Variants in FREM2 observed in about 807,000 individuals in gnomAD.
FREM2 encodes the protein FRAS1 related extracellular matrix 2, also known as FRAS1-related extracellular matrix protein 2.
Under a neutral mutation model 219.9 loss-of-function variants are expected in FREM2, and 119 were observed. The ratio of observed to expected loss-of-function variants is 0.54; its 90% CI spans 0.47 to 0.63. The LOEUF (loss-of-function observed/expected upper bound fraction) is 0.63, where lower values mean the gene tolerates loss of function less well. Among genes scored for constraint, FREM2 ranks in the 30% least tolerant of loss-of-function variants. The pLI, the probability that FREM2 is intolerant of heterozygous loss-of-function variation, is 0.00. For missense variants in FREM2, 4,030 were observed against 3,993.6 expected (o/e 1.01, Z -0.25); for synonymous variants, 1,562 against 1,522.8 (o/e 1.03, Z -0.60).
At chr13:38,717,226 C>A (rs551319184) in intron 2 of FREM2, among the ~76,000 whole-genome samples, 1 of 151,920 alleles carries the variant, frequency 6.6e-6, no homozygotes, top group East Asian at 1.9e-4. Context: ...CCTTCCATGT[C>A]CTGCCCCACT....
At chr13:38,767,329 G>A (rs956972673) in intron 3 of FREM2, among the ~76,000 whole-genome samples, 2 of 152,174 alleles carry the variant, frequency 1.3e-5, no homozygotes, top group Non-Finnish European at 2.9e-5. Flanking sequence ...GGTGTTTTTA[G>A]CAGCAACAAT....
intron 3 of FREM2, among the ~76,000 whole-genome samples, chr13:38,764,987 T>G (rs1393138064): frequency 6.6e-6 from 1 of 152,214 alleles, no homozygotes; most frequent in East Asian, 1.9e-4. Context: ...CTCAGCTCAC[T>G]GCAAGCTCCG....
intron 6 of FREM2, among the ~76,000 whole-genome samples, chr13:38,837,935 A>G (rs1876786718): frequency 6.6e-6 from 1 of 152,124 alleles, no homozygotes; most frequent in African/African-American, 2.4e-5. Flanking sequence ...TGTGCATTTT[A>G]ACTGGGGAAT....
intron 2 of FREM2, among the ~76,000 whole-genome samples, chr13:38,700,071 G>A (rs773448109): frequency 1.3e-5 from 2 of 152,050 alleles, no homozygotes; most frequent in Non-Finnish European, 1.5e-5. Context: ...AAATCAACGT[G>A]ATTGATTTTA....
At position 38,784,812 on chromosome 13, in the gene FREM2, A is replaced by C; in HGVS notation, c.6019+4A>C. The C allele has an allele frequency of 6.2e-7, 1 of 1,614,034 alleles. No individual in the cohort carries two copies. The highest frequency in any genetic ancestry group is 8.5e-7 in the Non-Finnish European group (1 of 1,179,994). ...ATCGTTCCTGACAAAGATGATGGTG[A>C]GTACTAATTTACTTGAAAATTCTTT... On this transcript the variant is annotated splice_donor_region_variant and intron_variant, in intron 6 of 23. Transcript: ENST00000280481.
At chr13:38,701,437 G>A (rs1870338524) in intron 2 of FREM2, among the ~76,000 whole-genome samples, 1 of 152,102 alleles carries the variant, frequency 6.6e-6, no homozygotes, top group Non-Finnish European at 1.5e-5. Flanking sequence ...ACAGACCTGG[G>A]AAATACATCT....
Position 38,713,191 on chromosome 13 carries a change from A to T in FREM2, c.5263+15404A>T, listed in dbSNP as rs150523905. ...CAAATTCCTCCACAGTGCTTCATAG[A>T]GGAAGTCTTTGCATTTGTAAATGAA... On this transcript the variant is annotated intron_variant, in intron 2 of 23. Coordinates refer to ENST00000280481, the MANE Select transcript of FREM2 (RefSeq NM_207361.6). 1.2e-3 allele frequency among the ~76,000 whole-genome samples: 177 copies of T among 152,284 alleles called. 1 individual carries two copies. The East Asian group carries it at 0.028, about 24-fold the overall frequency.
Position 38,881,671 on chromosome 13 carries a change from A to G in FREM2, c.*884A>G, listed in dbSNP as rs1225288094. ...AATGTTCTCTAAGAACTGAGCCTAG[A>G]TGTTTGCAGTATTGAACCCATAAAT... is the stretch of plus-strand genomic sequence containing the variant. On this transcript the variant is annotated 3_prime_UTR_variant, in exon 24 of 24. Coordinates refer to ENST00000280481, the MANE Select transcript of FREM2 (RefSeq NM_207361.6). The G allele has an allele frequency of 2.6e-5, 4 of 152,590 alleles. No individual in the cohort carries two copies. Among genetic ancestry groups the G allele is most frequent in the Admixed American group, 6.5e-5 (1 of 15,282 alleles). The allele number at this position is 152,590 out of a possible 1,614,324, so 9.5% of individuals were successfully genotyped here.
intron 4 of FREM2, among the ~76,000 whole-genome samples, chr13:38,777,166 G>A (rs973687469): frequency 6.6e-6 from 1 of 151,848 alleles, no homozygotes; most frequent in Non-Finnish European, 1.5e-5. Context: ...AATTGTGTAT[G>A]TATACAATCA....
chr13:38,851,255 A>G (rs1235175003), intron 10 of FREM2, 147 bp downstream of exon 10: 1 of 738,506 alleles, frequency 1.4e-6, no homozygotes, highest in Non-Finnish European at 2.3e-6. Context: ...CAAAAAGACA[A>G]ACAAATGGGG....
chr13:38,710,567 T>G (rs75886986), intron 2 of FREM2, among the ~76,000 whole-genome samples: 2,726 of 152,330 alleles, frequency 0.018, 27 homozygotes, highest in Non-Finnish European at 0.027. Flanking sequence ...TGGAACTCCT[T>G]ATATACATTT....
intron 3 of FREM2, among the ~76,000 whole-genome samples, chr13:38,767,320 G>A (rs1235506546): frequency 6.6e-6 from 1 of 152,122 alleles, no homozygotes; most frequent in East Asian, 1.9e-4. Context: ...AAAATTATAG[G>A]TGTTTTTAGC....
rs1869754648 is a variant in FREM2 at position 38,690,113 on chromosome 13, TGTG to T, written c.2773_2775del (p.Val925del). ...CCTTGGAAGTCAGTGACAGACATCA[TGTG>T]GTGCCCATCACTCTCAGAGTAAATG... is the stretch of plus-strand genomic sequence containing the variant. On this transcript the variant is annotated inframe_deletion, in exon 1 of 24. Coordinates refer to ENST00000280481, the MANE Select transcript of FREM2 (RefSeq NM_207361.6). 6.2e-7 allele frequency: 1 copy of T among 1,614,156 alleles called. No individual in the cohort carries two copies. Among genetic ancestry groups the T allele is most frequent in the Non-Finnish European group, 8.5e-7 (1 of 1,180,036 alleles).
chr13:38,872,750 C>A lies in FREM2; in HGVS notation c.7992C>A (p.Asn2664Lys), dbSNP rs769863759. Residue 2664 changes from asparagine (N) to lysine (K), a missense_variant, in exon 17 of 24, where the codon AAC (asparagine) becomes AAA (lysine). Transcript: ENST00000280481. ...TAATTTTGTTGTTTTAGGTCCTAAA[C>A]CTAGTGCAGTCCTATGTGACCCTTC... Reference protein sequence around the residue: ...GTIGTDGQVLNLVQSYVTLRV... With the variant: ...GTIGTDGQVLKLVQSYVTLRV... 2 of 1,613,912 alleles carry A rather than the reference C, an allele frequency of 1.2e-6. No homozygotes were observed. Among genetic ancestry groups the A allele is most frequent in the South Asian group, 2.2e-5 (2 of 91,076 alleles).
chr13:38,762,922 TA>T (rs1873287951), intron 2 of FREM2, among the ~76,000 whole-genome samples: 1 of 152,208 alleles, frequency 6.6e-6, no homozygotes, highest in Non-Finnish European at 1.5e-5. Flanking sequence ...ATTTCATATT[TA>T]TTGTTTGGGA....
intron 11 of FREM2, among the ~76,000 whole-genome samples, chr13:38,854,415 G>A (rs1372318018): frequency 1.3e-5 from 2 of 152,092 alleles, no homozygotes; most frequent in East Asian, 3.8e-4. Flanking sequence ...AATGATTATA[G>A]TGTCATTAAG....
rs776180644 is a variant in FREM2 at position 38,848,569 on chromosome 13, A to C, written c.6278A>C (p.Glu2093Ala). ...GATGACCTTGGACAACCAGCGCTGG[A>C]GGGAATTGAGAAATTTGAACTGGTG... ...ILDDLGQPAL[E>A]GIEKFELVLR... Residue 2093 changes from glutamate (E) to alanine (A), a missense_variant, in exon 8 of 24, where the codon GAG becomes GCG. Transcript: ENST00000280481. 2.5e-6 allele frequency: 4 copies of C among 1,614,056 alleles called. No homozygotes were observed. In the Admixed American group the frequency reaches 6.7e-5, roughly 27 times the overall value.
intron 15 of FREM2, among the ~76,000 whole-genome samples, chr13:38,861,965 C>T (rs1419584366): frequency 6.6e-6 from 1 of 152,098 alleles, no homozygotes; most frequent in African/African-American, 2.4e-5. Flanking sequence ...TATCATGTAA[C>T]TGTAAGACAT....
intron 5 of FREM2, among the ~76,000 whole-genome samples, chr13:38,783,473 TAAAAAA>T (rs141521145): frequency 1.1e-3 from 132 of 124,050 alleles, no homozygotes; most frequent in East Asian, 3.3e-3. Context: ...GGTTACTATA[TAAAAAA>T]AAAAAAAAAA....
Sources: allele counts gnomAD v4.1 joint callset (sites outside exome capture counted in the v4.1 genomes callset), GRCh38; gene constraint gnomAD v4.1.1; transcripts MANE v1.5; gene names NCBI Gene and HGNC (gene_info 2026-07-23, HGNC 2026-07-21).